PTPRD: variants seen among roughly 807,000 people sequenced by gnomAD.
PTPRD encodes receptor-type tyrosine-protein phosphatase delta.
In PTPRD, 34 loss-of-function variants were observed where a neutral mutation model predicts 214.5. The ratio of observed to expected loss-of-function variants is 0.16; its 90% CI spans 0.12 to 0.21. The LOEUF (loss-of-function observed/expected upper bound fraction) is 0.21. PTPRD is among the 10% of genes least tolerant of loss of function. PTPRD has a pLI of 1.00. For synonymous variants in PTPRD, 1,128 were observed against 845.7 expected, an observed-to-expected ratio of 1.33 and a Z score of -5.79; for missense variants, 2,545 against 2,398.7, an observed-to-expected ratio of 1.06 and a Z score of -1.27.
chr9:8,940,474 A>ATTTTTTTTTG (rs1467461986), intron 11 of PTPRD, among the ~76,000 whole-genome samples: 2 of 125,426 alleles, frequency 1.6e-5, no homozygotes, highest in African/African-American at 3.0e-5. Context: ...GGTATTTTTA[A>ATTTTTTTTTG]TAGAGACAGG....
At chr9:8,719,064 G>C (rs184187876) in intron 12 of PTPRD, among the ~76,000 whole-genome samples, 1 of 152,202 alleles carries the variant, frequency 6.6e-6, no homozygotes, top group East Asian at 1.9e-4. Context: ...ATTACAAACT[G>C]TTTCTTCACA....
intron 14 of PTPRD, among the ~76,000 whole-genome samples, chr9:8,619,832 G>A (rs1214675514): frequency 6.6e-6 from 1 of 151,858 alleles, no homozygotes; most frequent in Non-Finnish European, 1.5e-5. Context: ...ACTTTTCTAT[G>A]TCACATTACA....
At chr9:8,558,245 C>G (rs1485872416) in intron 14 of PTPRD, among the ~76,000 whole-genome samples, 1 of 152,184 alleles carries the variant, frequency 6.6e-6, no homozygotes, top group Non-Finnish European at 1.5e-5. Context: ...ACGGAGACAA[C>G]TAAAGATGTT....
In PTPRD at chr9:10,252,874, C is replaced by T. The variant is rs1308898488; in HGVS notation, c.-545+88089G>A. ...TCTCGACTCACTGCAACCTCCGCCTCCCGGGTTCAAGAGATTTTTCTGCCT... is the reference window on the plus strand; with the variant it reads ...TCTCGACTCACTGCAACCTCCGCCTTCCGGGTTCAAGAGATTTTTCTGCCT... On this transcript the variant is annotated intron_variant, in intron 3 of 45. Coordinates refer to ENST00000381196, the MANE Select transcript of PTPRD (RefSeq NM_002839.4). Among the ~76,000 whole-genome samples, 4 of 152,188 alleles carry T rather than the reference C, an allele frequency of 2.6e-5. No homozygotes were observed. The East Asian group carries it at 7.7e-4, about 29-fold the overall frequency.
At chr9:8,420,090 T>G (rs1205172511) in intron 35 of PTPRD, among the ~76,000 whole-genome samples, 2 of 152,158 alleles carry the variant, frequency 1.3e-5, no homozygotes, top group Non-Finnish European at 2.9e-5. Context: ...CCATTAACCA[T>G]GGAGTAAAAC....
At chr9:10,184,408 G>A (rs763760171) in intron 3 of PTPRD, among the ~76,000 whole-genome samples, 1 of 152,082 alleles carries the variant, frequency 6.6e-6, no homozygotes, top group Non-Finnish European at 1.5e-5. Context: ...CTGGAAAACA[G>A]AGCGAGGCTC....
At chr9:9,208,020 C>CTTTTTTTGTTTTTTTTTTTTTTTTTT (rs2099946009) in intron 9 of PTPRD, among the ~76,000 whole-genome samples, 1 of 53,260 alleles carries the variant, frequency 1.9e-5, no homozygotes, top group African/African-American at 5.4e-5. Flanking sequence ...TATATATCTG[C>CTTTTTTTGTTTTTTTTTTTTTTTTTT]TTTTTTTTTT....
intron 8 of PTPRD, among the ~76,000 whole-genome samples, chr9:9,455,128 C>A (rs909820726): frequency 1.3e-5 from 2 of 151,494 alleles, no homozygotes; most frequent in African/African-American, 4.8e-5. Context: ...AAAAGTTTTA[C>A]TTTCATAAAT....
intron 2 of PTPRD, among the ~76,000 whole-genome samples, chr9:10,387,494 C>T (rs2097940973): frequency 6.6e-6 from 1 of 151,822 alleles, no homozygotes; most frequent in Non-Finnish European, 1.5e-5. Flanking sequence ...GCTGGCTGAA[C>T]ACAGTAAGAG....
chr9:9,675,456 AT>A (rs2096910960), intron 7 of PTPRD, among the ~76,000 whole-genome samples: 1 of 151,824 alleles, frequency 6.6e-6, no homozygotes, highest in African/African-American at 2.4e-5. Flanking sequence ...TTAAAAGCAA[AT>A]TGTTTAAAAA....
At chr9:10,611,851 C>G (rs990725574) in intron 2 of PTPRD, among the ~76,000 whole-genome samples, 6 of 151,890 alleles carry the variant, frequency 4.0e-5, no homozygotes, top group Admixed American at 1.3e-4. Flanking sequence ...GAAGAAATCG[C>G]AACAGAATTT....
At chr9:9,194,665 G>T in intron 9 of PTPRD, among the ~76,000 whole-genome samples, 1 of 152,148 alleles carries the variant, frequency 6.6e-6, no homozygotes, top group East Asian at 1.9e-4. Context: ...AATAAGAAGT[G>T]AGGAGCTGGT....
At chr9:9,423,565 A>G (rs1207750079) in intron 8 of PTPRD, among the ~76,000 whole-genome samples, 1 of 152,220 alleles carries the variant, frequency 6.6e-6, no homozygotes, top group Non-Finnish European at 1.5e-5. Flanking sequence ...ATAAGAGACA[A>G]CAGAAACATA....
intron 2 of PTPRD, among the ~76,000 whole-genome samples, chr9:10,516,787 A>G (rs1348238720): frequency 6.6e-6 from 1 of 151,606 alleles, no homozygotes; most frequent in African/African-American, 2.4e-5. Context: ...ATTATTTTGC[A>G]TTTGAATATC....
At chr9:9,266,477 C>G (rs1939730754) in intron 9 of PTPRD, among the ~76,000 whole-genome samples, 1 of 150,708 alleles carries the variant, frequency 6.6e-6, no homozygotes, top group South Asian at 2.1e-4. Flanking sequence ...GGAACATTCT[C>G]CAAGATAGAA....
intron 4 of PTPRD, among the ~76,000 whole-genome samples, chr9:9,952,077 A>ACCAGACAAGATCTG (rs1412572345): frequency 6.6e-6 from 1 of 152,184 alleles, no homozygotes; most frequent in Non-Finnish European, 1.5e-5. Flanking sequence ...TGAGGATGGT[A>ACCAGACAAGATCTG]GTAAAATTAG....
intron 11 of PTPRD, among the ~76,000 whole-genome samples, chr9:8,889,111 A>C (rs890084715): frequency 6.6e-6 from 1 of 152,184 alleles, no homozygotes; most frequent in Non-Finnish European, 1.5e-5. Flanking sequence ...GAGGGTATAA[A>C]CCAAGGAATT....
At chr9:9,879,681 G>A (rs1345912403) in intron 5 of PTPRD, among the ~76,000 whole-genome samples, 2 of 152,122 alleles carry the variant, frequency 1.3e-5, no homozygotes, top group Non-Finnish European at 2.9e-5. Flanking sequence ...TAGGTTTTTT[G>A]ATTTAGAGAA....
chr9:9,021,404 G>T (rs192320251), intron 10 of PTPRD, among the ~76,000 whole-genome samples: 3 of 152,202 alleles, frequency 2.0e-5, no homozygotes, highest in African/African-American at 7.2e-5. Context: ...TGCAGTTTTT[G>T]CCATTAAAAG....
Sources: gnomAD v4.1 joint callset for allele counts (sites outside exome capture counted in the v4.1 genomes callset) on GRCh38, gnomAD v4.1.1 for gene constraint, MANE v1.5 for transcripts, NCBI Gene and HGNC (gene_info 2026-07-23, HGNC 2026-07-21) for gene names.